CNTN5: variants seen among roughly 807,000 people sequenced by gnomAD.
The protein encoded by CNTN5 is contactin 5.
A neutral mutation model predicts 129.1 loss-of-function variants in CNTN5; 77 were observed. The observed-to-expected ratio is 0.60, with a 90% CI of 0.50 to 0.72. The LOEUF (loss-of-function observed/expected upper bound fraction) is 0.72, where lower values mean the gene tolerates loss of function less well. CNTN5 is among the 30% of genes least tolerant of loss of function. The probability of loss-of-function intolerance (pLI) is 0.00; values close to 1 mark genes in which losing one functional copy is unlikely to be tolerated. For synonymous variants in CNTN5, 509 were observed against 465.6 expected (o/e 1.09, Z -1.20); for missense variants, 1,478 against 1,328.8 (o/e 1.11, Z -1.75).
chr11:99,162,816 A>G (rs1860680151), intron 1 of CNTN5, among the ~76,000 whole-genome samples: 1 of 152,218 alleles, frequency 6.6e-6, no homozygotes, highest in Admixed American at 6.5e-5. Context: ...TTGATACTGT[A>G]TAAATAAATG....
At chr11:99,209,950 G>A (rs866624721) in intron 1 of CNTN5, among the ~76,000 whole-genome samples, 6 of 152,124 alleles carry the variant, frequency 3.9e-5, no homozygotes, top group Middle Eastern at 3.4e-3. Context: ...TGAAAACAAC[G>A]AAAACAACTA....
intron 1 of CNTN5, among the ~76,000 whole-genome samples, chr11:99,224,180 T>A (rs571335725): frequency 1.3e-5 from 2 of 151,566 alleles, no homozygotes; most frequent in East Asian, 3.9e-4. Context: ...ATTCCATAAT[T>A]TAGCTGAGAG....
chr11:99,171,484 G>T (rs780696019), intron 1 of CNTN5, among the ~76,000 whole-genome samples: 3 of 152,056 alleles, frequency 2.0e-5, no homozygotes, highest in African/African-American at 7.2e-5. Context: ...CATGTAACAC[G>T]TACTCCAGTT....
chr11:99,651,361 G>T (rs1321450255), intron 3 of CNTN5, among the ~76,000 whole-genome samples: 1 of 151,364 alleles, frequency 6.6e-6, no homozygotes, highest in Non-Finnish European at 1.5e-5. Context: ...GATGAGAAAA[G>T]GTTAAAAAAA....
At chr11:99,883,634 C>G (rs1429912959) in intron 6 of CNTN5, among the ~76,000 whole-genome samples, 1 of 152,132 alleles carries the variant, frequency 6.6e-6, no homozygotes, top group East Asian at 1.9e-4. Flanking sequence ...ACAAAAATCC[C>G]CTAATCACTC....
At chr11:99,661,089 T>G (rs1952577157) in intron 3 of CNTN5, among the ~76,000 whole-genome samples, 1 of 152,162 alleles carries the variant, frequency 6.6e-6, no homozygotes, top group South Asian at 2.1e-4. Context: ...CTAAACCATT[T>G]AAGTGTCTTA....
chr11:99,816,672 T>C (rs1946597873), intron 3 of CNTN5, among the ~76,000 whole-genome samples: 1 of 152,216 alleles, frequency 6.6e-6, no homozygotes, highest in South Asian at 2.1e-4. Context: ...TTTGGTCTTG[T>C]TCAAATATGG....
At chr11:99,815,110 G>A (rs1283512070) in intron 3 of CNTN5, among the ~76,000 whole-genome samples, 1 of 152,080 alleles carries the variant, frequency 6.6e-6, no homozygotes, top group Admixed American at 6.6e-5. Flanking sequence ...GGATTACGGA[G>A]ATTATAATTC....
At chr11:99,386,338 T>G (rs982311321) in intron 2 of CNTN5, among the ~76,000 whole-genome samples, 1 of 152,240 alleles carries the variant, frequency 6.6e-6, no homozygotes, top group Admixed American at 6.5e-5. Context: ...GGCTACTCCA[T>G]GGACAGAGCA....
At chr11:100,099,829 G>T (rs933678625) in intron 13 of CNTN5, among the ~76,000 whole-genome samples, 1 of 151,910 alleles carries the variant, frequency 6.6e-6, no homozygotes, top group African/African-American at 2.4e-5. Flanking sequence ...TAAGTTACGT[G>T]TTATCTCATT....
At chr11:99,844,582 A>G in intron 4 of CNTN5, 1 of 414,864 alleles carries the variant, frequency 2.4e-6, no homozygotes, top group Admixed American at 3.9e-5. Flanking sequence ...AAATGAAAAC[A>G]AAGATATATA....
At chr11:100,178,706 T>G (rs141807101) in intron 13 of CNTN5, among the ~76,000 whole-genome samples, 3 of 152,342 alleles carry the variant, frequency 2.0e-5, no homozygotes, top group East Asian at 1.9e-4. Flanking sequence ...GCCTTGCCAG[T>G]GAAGTGTGAA....
At chr11:100,161,619 T>C (rs12099197) in intron 13 of CNTN5, among the ~76,000 whole-genome samples, 7,592 of 151,866 alleles carry the variant, frequency 0.05, 310 homozygotes, top group African/African-American at 0.11. Context: ...TGAAGTGGAT[T>C]TGAGTCCTCT....
intron 3 of CNTN5, among the ~76,000 whole-genome samples, chr11:99,704,833 A>G (rs1156661571): frequency 6.6e-6 from 1 of 151,296 alleles, no homozygotes; most frequent in African/African-American, 2.4e-5. Flanking sequence ...CAAGTGAAGA[A>G]TTTCCTCTTT....
intron 3 of CNTN5, among the ~76,000 whole-genome samples, chr11:99,570,758 A>T (rs911873885): frequency 2.0e-5 from 3 of 152,202 alleles, no homozygotes; most frequent in African/African-American, 7.2e-5. Context: ...TCCCATAAAG[A>T]AATTAAATGG....
intron 9 of CNTN5, among the ~76,000 whole-genome samples, chr11:100,037,536 A>G (rs1565812735): frequency 3.9e-5 from 6 of 152,118 alleles, no homozygotes. Context: ...TAGTTTCAGA[A>G]GGAATGGTAC....
chr11:100,115,869 T>C (rs1945825368), intron 13 of CNTN5, among the ~76,000 whole-genome samples: 1 of 152,080 alleles, frequency 6.6e-6, no homozygotes, highest in Non-Finnish European at 1.5e-5. Context: ...TTTATTCATA[T>C]ATGGCCCAGT....
chr11:99,535,331 G>A, intron 2 of CNTN5, among the ~76,000 whole-genome samples: 1 of 152,264 alleles, frequency 6.6e-6, no homozygotes, highest in Non-Finnish European at 1.5e-5. Context: ...TGTTAGATGT[G>A]GAGGATGAGA....
chr11:99,170,575 A>G (rs528261640), intron 1 of CNTN5, among the ~76,000 whole-genome samples: 11 of 152,310 alleles, frequency 7.2e-5, no homozygotes, highest in African/African-American at 2.6e-4. Context: ...GATATAATGA[A>G]TATCTTAATT....
Sources: gnomAD v4.1 joint callset for allele counts (sites outside exome capture counted in the v4.1 genomes callset) on GRCh38, gnomAD v4.1.1 for gene constraint, MANE v1.5 for transcripts, NCBI Gene and HGNC (gene_info 2026-07-23, HGNC 2026-07-21) for gene names.